Variants in NFIA observed in about 807,000 individuals in gnomAD.
NFIA encodes nuclear factor I A, also known as nuclear factor 1 A-type.
A neutral mutation model predicts 62.8 loss-of-function variants in NFIA; 8 were observed. The observed-to-expected ratio is 0.13, with a 90% CI of 0.07 to 0.23. The LOEUF (loss-of-function observed/expected upper bound fraction) is 0.23, where lower values mean the gene tolerates loss of function less well. NFIA is among the 10% of genes least tolerant of loss of function. The pLI, the probability that NFIA is intolerant of heterozygous loss-of-function variation, is 1.00. For missense variants in NFIA, 410 were observed against 642.1 expected, an observed-to-expected ratio of 0.64 and a Z score of 3.91; for synonymous variants, 235 against 238.1, an observed-to-expected ratio of 0.99 and a Z score of 0.12.
intron 10 of NFIA, among the ~76,000 whole-genome samples, chr1:61,448,839 G>A (rs540256515): frequency 6.6e-6 from 1 of 152,286 alleles, no homozygotes; most frequent in South Asian, 2.1e-4. Flanking sequence ...AAATGTACTT[G>A]GTGGTAAGAG....
At position 61,426,456 on chromosome 1, in the gene NFIA, C is replaced by G. The variant is rs1458494640; in HGVS notation, c.1421-9C>G. ...GCTTCCTGAACGCATGTGTCCCTTC[C>G]CTTCACAGCCTACTCGACACCCAGC... is the stretch of plus-strand genomic sequence containing the variant. On this transcript the variant is annotated splice_polypyrimidine_tract_variant and intron_variant, in intron 9 of 10. Coordinates refer to ENST00000403491, the MANE Select transcript of NFIA (RefSeq NM_001134673.4). 1 of 1,548,514 alleles carries G rather than the reference C, an allele frequency of 6.5e-7. No individual in the cohort carries two copies. Among genetic ancestry groups the G allele is most frequent in the Non-Finnish European group, 8.7e-7 (1 of 1,144,120 alleles).
At chr1:61,216,525 A>G (rs1653635125) in intron 2 of NFIA, among the ~76,000 whole-genome samples, 1 of 152,210 alleles carries the variant, frequency 6.6e-6, no homozygotes, top group Non-Finnish European at 1.5e-5. Flanking sequence ...GCTGAACTGA[A>G]TAGTCACTTT....
intron 1 of NFIA, among the ~76,000 whole-genome samples, chr1:61,085,933 GT>G: frequency 6.6e-6 from 1 of 152,254 alleles, no homozygotes. Flanking sequence ...CATGCATGCA[GT>G]TTGCAGTTTT....
At chr1:61,177,573 T>C (rs570956359) in intron 2 of NFIA, among the ~76,000 whole-genome samples, 3 of 152,330 alleles carry the variant, frequency 2.0e-5, no homozygotes, top group Non-Finnish European at 4.4e-5. Flanking sequence ...TCTGTCTTGC[T>C]AAGATCCTCA....
At chr1:61,355,537 G>C (rs1335790909) in intron 5 of NFIA, among the ~76,000 whole-genome samples, 1 of 151,950 alleles carries the variant, frequency 6.6e-6, no homozygotes, top group Non-Finnish European at 1.5e-5. Flanking sequence ...TTCCTAACTT[G>C]CTTCATTCCT....
intron 2 of NFIA, among the ~76,000 whole-genome samples, chr1:61,158,849 T>C (rs555897095): frequency 1.3e-5 from 2 of 152,324 alleles, no homozygotes; most frequent in South Asian, 2.1e-4. Context: ...TGAGGAGCCA[T>C]GCATTTATTT....
At chr1:61,084,287 G>A (rs1646179286) in intron 1 of NFIA, among the ~76,000 whole-genome samples, 1 of 152,064 alleles carries the variant, frequency 6.6e-6, no homozygotes, top group African/African-American at 2.4e-5. Context: ...CCTTCTTATT[G>A]CAATATCTAA....
chr1:61,383,514 T>C, intron 7 of NFIA, 149 bp downstream of exon 7: 1 of 1,037,986 alleles, frequency 9.6e-7, no homozygotes, highest in South Asian at 2.5e-5. Flanking sequence ...CCTTGGAATT[T>C]TAGAGACCAA....
intron 2 of NFIA, among the ~76,000 whole-genome samples, chr1:61,148,050 ACACTCAACAT>A (rs1648133883): frequency 6.6e-6 from 1 of 152,170 alleles, no homozygotes; most frequent in Non-Finnish European, 1.5e-5. Context: ...TTTACATTAT[ACACTCAACAT>A]TAACTAGCTG....
intron 4 of NFIA, among the ~76,000 whole-genome samples, chr1:61,351,805 G>A (rs114488801): frequency 0.016 from 2,463 of 152,236 alleles, 25 homozygotes; most frequent in Non-Finnish European, 0.025. Context: ...GCAGCTACTC[G>A]TCTCTGATGG....
At chr1:61,343,652 A>G (rs1284860106) in intron 4 of NFIA, among the ~76,000 whole-genome samples, 4 of 152,364 alleles carry the variant, frequency 2.6e-5, no homozygotes, top group Admixed American at 1.3e-4. Context: ...TTGGAAAACC[A>G]TACTCTTAGC....
Position 61,272,803 on chromosome 1 carries a change from A to G in NFIA, c.560-4717A>G, listed in dbSNP as rs111575243. Among the ~76,000 whole-genome samples the G allele has an allele frequency of 8.8e-3, 1,344 of 152,300 alleles. 25 individuals carry two copies. The highest frequency in any genetic ancestry group is 0.031 in the African/African-American group (1,279 of 41,572). On this transcript the variant is annotated intron_variant, in intron 2 of 10. Transcript: ENST00000403491. ...GTCTTTGCCTTTTAGTTTTTATACT[A>G]CAAACAACTCTAGCTCATGAGAGTG...
chr1:61,138,783 T>C (rs1367458635), intron 2 of NFIA, among the ~76,000 whole-genome samples: 1 of 149,632 alleles, frequency 6.7e-6, no homozygotes, highest in Non-Finnish European at 1.5e-5. Flanking sequence ...GGTTTCACCA[T>C]GTTGGCCATG....
rs537812263 is a variant in NFIA at position 61,406,831 on chromosome 1, A to G, written c.1420+104A>G. On this transcript the variant is annotated intron_variant, in intron 9 of 10. Coordinates refer to ENST00000403491, the MANE Select transcript of NFIA (RefSeq NM_001134673.4). Reference sequence around the variant, plus strand: ...CTGTATAGGCTCTAGAAAGAGGCACAGATCCCCAGTGATGTTGTAGCATGA... The same window carrying G: ...CTGTATAGGCTCTAGAAAGAGGCACGGATCCCCAGTGATGTTGTAGCATGA... The G allele has an allele frequency of 1.1e-3, 1,439 of 1,276,976 alleles. 7 individuals are homozygous for G. The highest frequency in any genetic ancestry group is 6.2e-3 in the Middle Eastern group (32 of 5,122). 79.1% of individuals were successfully genotyped at this position (1,276,976 alleles called of 1,614,324 possible). A position where few individuals can be genotyped will look rare whatever the true frequency, so the allele number is the denominator to read the frequency against.
At chr1:61,238,029 A>G (rs904058841) in intron 2 of NFIA, among the ~76,000 whole-genome samples, 5 of 152,226 alleles carry the variant, frequency 3.3e-5, no homozygotes, top group Admixed American at 2.6e-4. Flanking sequence ...CATGCATTTC[A>G]CAAATTAAAT....
rs947494651 is a variant in NFIA at position 61,456,127 on chromosome 1, C to T, written c.*807C>T. The stretch of plus-strand genomic sequence containing the variant: ...AAATGGGGAAGATGGTCTGTTTTGA[C>T]AGAAACTGACAGGAATCAATCAAAA... On this transcript the variant is annotated 3_prime_UTR_variant, in exon 11 of 11. Coordinates refer to ENST00000403491, the MANE Select transcript of NFIA (RefSeq NM_001134673.4). 1.3e-5 allele frequency: 2 copies of T among 152,578 alleles called. No homozygotes were observed. Among genetic ancestry groups the T allele is most frequent in the African/African-American group, 2.4e-5 (1 of 41,430 alleles). The allele number at this position is 152,578 out of a possible 1,614,324, so 9.5% of individuals were successfully genotyped here. A position where few individuals can be genotyped will look rare whatever the true frequency, so the allele number is the denominator to read the frequency against.
At chr1:61,321,684 A>G (rs931183560) in intron 3 of NFIA, among the ~76,000 whole-genome samples, 9 of 152,112 alleles carry the variant, frequency 5.9e-5, no homozygotes, top group Admixed American at 5.2e-4. Flanking sequence ...TTGTTGCAAC[A>G]TGACGATTAT....
chr1:61,406,543 G>GCC lies in NFIA; in HGVS notation c.1255-6_1255-5dup, dbSNP rs58081092. 7.7e-4 allele frequency: 674 copies of GCC among 877,078 alleles called. 2 individuals are homozygous for GCC. The highest frequency in any genetic ancestry group is 1.5e-3 in the East Asian group (32 of 22,012). The allele number at this position is 877,078 out of a possible 1,614,324, so 54.3% of individuals were successfully genotyped here. ...TCTTTTTCTTGTACGTGTGTTTTCTGCCCCCCCCCCCCCCACAGCCCAATG... is the reference window on the plus strand; with the variant it reads ...TCTTTTTCTTGTACGTGTGTTTTCTGCCCCCCCCCCCCCCCCACAGCCCAATG... On this transcript the variant is annotated intron_variant, in intron 8 of 10. Transcript: ENST00000403491.
intron 2 of NFIA, among the ~76,000 whole-genome samples, chr1:61,118,140 G>A (rs1257465994): frequency 2.7e-5 from 4 of 149,472 alleles, no homozygotes; most frequent in African/African-American, 9.9e-5. Flanking sequence ...AGCTGAGGCC[G>A]CACCACTGCA....
Sources: gnomAD v4.1 joint callset for allele counts (sites outside exome capture counted in the v4.1 genomes callset) on GRCh38, gnomAD v4.1.1 for gene constraint, MANE v1.5 for transcripts, NCBI Gene and HGNC (gene_info 2026-07-23, HGNC 2026-07-21) for gene names.